SFXN1: variants seen among roughly 807,000 people sequenced by gnomAD.
The protein encoded by SFXN1 is sideroflexin-1.
Under a neutral mutation model 39.5 loss-of-function variants are expected in SFXN1, and 32 were observed. That is an observed-to-expected ratio of 0.81 (90% CI 0.61 to 1.09). The LOEUF is 1.09. SFXN1 is among the 50% of genes least tolerant of loss of function. The pLI is 0.00. For missense variants in SFXN1, 402 were observed against 407.1 expected (o/e 0.99, Z 0.11); for synonymous variants, 136 against 146.5 (o/e 0.93, Z 0.52).
At chr5:175,495,281 G>C (rs1432389660) in intron 2 of SFXN1, among the ~76,000 whole-genome samples, 1 of 152,068 alleles carries the variant, frequency 6.6e-6, no homozygotes, top group Non-Finnish European at 1.5e-5. Context: ...TAGAGGGGAA[G>C]TTGCCAGGGG....
At chr5:175,511,595 C>T (rs1760518736) in intron 5 of SFXN1, 69 bp downstream of exon 5, 3 of 1,239,502 alleles carry the variant, frequency 2.4e-6, no homozygotes, top group African/African-American at 3.0e-5. Context: ...CTAAATCCCT[C>T]TATTATTTCT....
chr5:175,498,068 AAAGT>A (rs1381684810), intron 2 of SFXN1, among the ~76,000 whole-genome samples: 1 of 149,396 alleles, frequency 6.7e-6, no homozygotes, highest in Admixed American at 6.7e-5. Flanking sequence ...AAAAAATCAC[AAAGT>A]AAAAACAATG....
intron 2 of SFXN1, among the ~76,000 whole-genome samples, chr5:175,502,542 T>C (rs1241790083): frequency 6.6e-6 from 1 of 152,198 alleles, no homozygotes; most frequent in Non-Finnish European, 1.5e-5. Flanking sequence ...AAAAGAGAAT[T>C]GATAAATAAC....
At chr5:175,488,504 G>GT (rs1759534693) in intron 1 of SFXN1, among the ~76,000 whole-genome samples, 2 of 152,188 alleles carry the variant, frequency 1.3e-5, no homozygotes, top group South Asian at 4.1e-4. Context: ...GTTTCTCCAT[G>GT]TTGAGGCTGG....
chr5:175,513,999 G>A (rs530857823), intron 7 of SFXN1, among the ~76,000 whole-genome samples: 11 of 152,216 alleles, frequency 7.2e-5, no homozygotes, highest in African/African-American at 2.6e-4. Context: ...GGCAGAGCGT[G>A]GATGGCAGCC....
At chr5:175,498,080 A>T (rs2113297027) in intron 2 of SFXN1, among the ~76,000 whole-genome samples, 1 of 152,200 alleles carries the variant, frequency 6.6e-6, no homozygotes, top group South Asian at 2.1e-4. Context: ...AGTAAAAACA[A>T]TGAGAAATTA....
intron 7 of SFXN1, among the ~76,000 whole-genome samples, chr5:175,515,288 T>C (rs1412470334): frequency 6.6e-6 from 1 of 152,204 alleles, no homozygotes; most frequent in Non-Finnish European, 1.5e-5. Context: ...TATACAGTTG[T>C]GAACCACCAT....
intron 1 of SFXN1, among the ~76,000 whole-genome samples, chr5:175,480,270 G>A (rs1204443031): frequency 1.3e-5 from 2 of 152,070 alleles, no homozygotes; most frequent in Admixed American, 6.5e-5. Context: ...GCGTGGTTGC[G>A]GGCGCCTGTA....
At chr5:175,502,251 A>G (rs891175654) in intron 2 of SFXN1, among the ~76,000 whole-genome samples, 12 of 152,158 alleles carry the variant, frequency 7.9e-5, no homozygotes, top group African/African-American at 2.7e-4. Context: ...CAGAGACTGC[A>G]TGACCCCTAA....
At chr5:175,481,403 C>T (rs778620895) in intron 1 of SFXN1, among the ~76,000 whole-genome samples, 2 of 152,168 alleles carry the variant, frequency 1.3e-5, no homozygotes, top group Non-Finnish European at 2.9e-5. Flanking sequence ...CTCACTGCAA[C>T]CTCTGCCTCC....
At chr5:175,481,717 T>G (rs1314961353) in intron 1 of SFXN1, among the ~76,000 whole-genome samples, 1 of 152,218 alleles carries the variant, frequency 6.6e-6, no homozygotes, top group African/African-American at 2.4e-5. Flanking sequence ...TTCCTGATGC[T>G]AGGCAGGCCC....
In SFXN1 at chr5:175,529,319, C is replaced by T. The variant is rs1761177519; in HGVS notation, c.*2585C>T. 6.8e-6 allele frequency: 1 copy of T among 146,212 alleles called. No homozygotes were observed. The highest frequency in any genetic ancestry group is 2.0e-4 in the East Asian group (1 of 5,018). The allele number at this position is 146,212 out of a possible 1,614,324, so 9.1% of individuals were successfully genotyped here. A position where few individuals can be genotyped will look rare whatever the true frequency, so the allele number is the denominator to read the frequency against. ...CACCATTGCACTCCAGCCTGGGCAA[C>T]AAGAGCGAAACTCCATCTCAAAAAA... On this transcript the variant is annotated 3_prime_UTR_variant, in exon 11 of 11. Transcript: ENST00000321442.
At chr5:175,491,759 A>C in intron 1 of SFXN1, 1 of 174,082 alleles carries the variant, frequency 5.7e-6, no homozygotes, top group East Asian at 1.7e-4. Flanking sequence ...AGTGCTGGGA[A>C]CATAGGTGTG....
intron 2 of SFXN1, among the ~76,000 whole-genome samples, chr5:175,502,459 A>G (rs1178984189): frequency 6.6e-6 from 1 of 152,260 alleles, no homozygotes; most frequent in Non-Finnish European, 1.5e-5. Flanking sequence ...AGATAGAGTC[A>G]GTTAGTTCTG....
chr5:175,520,059 G>A (rs1357886455), intron 8 of SFXN1, among the ~76,000 whole-genome samples: 2 of 151,274 alleles, frequency 1.3e-5, no homozygotes, highest in East Asian at 1.9e-4. Context: ...TAGTAGAGAC[G>A]GGATTTCACC....
intron 2 of SFXN1, among the ~76,000 whole-genome samples, chr5:175,500,452 A>G (rs1760032718): frequency 6.8e-6 from 1 of 146,946 alleles, no homozygotes; most frequent in Admixed American, 6.7e-5. Context: ...ACACACACAC[A>G]CAAATTACAG....
At chr5:175,499,642 A>T (rs116670742) in intron 2 of SFXN1, among the ~76,000 whole-genome samples, 3 of 152,338 alleles carry the variant, frequency 2.0e-5, no homozygotes, top group Non-Finnish European at 4.4e-5. Flanking sequence ...CTAGGAATAG[A>T]AGGGGAAGGT....
chr5:175,520,322 TA>T lies in SFXN1; in HGVS notation c.775-1596del, dbSNP rs1343483262. ...ACTTGCTCTGTTTGCACAGTTCTGT[TA>T]GGTAAGATATGTTCCTACCTTGAGA... On this transcript the variant is annotated intron_variant, in intron 8 of 10. Coordinates refer to ENST00000321442, the MANE Select transcript of SFXN1 (RefSeq NM_022754.7). Among the ~76,000 whole-genome samples the T allele has an allele frequency of 7.2e-5, 11 of 152,180 alleles. 1 individual carries two copies. In the East Asian group the frequency reaches 2.1e-3, roughly 29 times the overall value.
chr5:175,521,956 T>G lies in SFXN1; in HGVS notation c.812T>G (p.Leu271Ter). ...PWMSAPIQVG[L>*]VGFCLVFATP... ...ATGAGTGCACCCATTCAAGTTGGGT[T>G]AGTTGGCTTCTGGTGAGTAGAAATT... The change falls in exon 9 of 11, where the codon TTA (leucine) becomes TGA (stop). Residue 271 changes from leucine (L) to a stop codon, truncating the protein, a stop_gained. Coordinates refer to ENST00000321442, the MANE Select transcript of SFXN1 (RefSeq NM_022754.7). LOFTEE classifies it high-confidence loss of function. The G allele has an allele frequency of 1.9e-6, 3 of 1,604,106 alleles. No individual in the cohort carries two copies. Among genetic ancestry groups the G allele is most frequent in the Non-Finnish European group, 2.6e-6 (3 of 1,173,368 alleles).
Sources: allele counts gnomAD v4.1 joint callset (sites outside exome capture counted in the v4.1 genomes callset), GRCh38; gene constraint gnomAD v4.1.1; transcripts MANE v1.5; gene names NCBI Gene and HGNC (gene_info 2026-07-23, HGNC 2026-07-21).